NOC3L: variants seen among roughly 807,000 people sequenced by gnomAD.
NOC3L encodes nucleolar complex protein 3 homolog.
A neutral mutation model predicts 102.5 loss-of-function variants in NOC3L; 85 were observed. That is an observed-to-expected ratio of 0.83 (90% CI 0.70 to 0.99). The LOEUF (loss-of-function observed/expected upper bound fraction) is 0.99, where lower values mean the gene tolerates loss of function less well. NOC3L is among the 50% of genes least tolerant of loss of function. NOC3L has a pLI of 0.00. For missense variants in NOC3L, 878 were observed against 914.9 expected (o/e 0.96, Z 0.52); for synonymous variants, 303 against 309.4 (o/e 0.98, Z 0.22).
At chr10:94,316,828 C>T in the NOC3L span, 2 of 1,116,204 alleles carry the variant, frequency 1.8e-6, no homozygotes, top group East Asian at 4.7e-5. Flanking sequence ...CTCACAACCT[C>T]CCTGAAATTC....
At chr10:94,361,309 A>G in intron 2 of NOC3L, 1 of 213,846 alleles carries the variant, frequency 4.7e-6, no homozygotes, top group Non-Finnish European at 9.3e-6. Context: ...GAGACAAGCA[A>G]TGTTCTTACC....
chr10:94,321,985 G>T, the NOC3L span: 1 of 1,614,002 alleles, frequency 6.2e-7, no homozygotes, highest in Non-Finnish European at 8.5e-7. Flanking sequence ...CCAAGTGCAT[G>T]ATGTTTCTCC....
At chr10:94,355,142 C>T in intron 5 of NOC3L, 49 bp from the exon 6 acceptor site, 1 of 1,471,250 alleles carries the variant, frequency 6.8e-7, no homozygotes, top group East Asian at 2.3e-5. Flanking sequence ...TTACAAGTAT[C>T]CAAGAATCTT....
chr10:94,334,365 T>C, intron 20 of NOC3L, 60 bp from the exon 21 acceptor site: 2 of 1,109,204 alleles, frequency 1.8e-6, no homozygotes, highest in South Asian at 2.8e-5. Context: ...AAAGCCAACC[T>C]GTGAACCAAG....
rs1299333360 is a variant in NOC3L at position 94,356,991 on chromosome 10, T to C, written c.508+183A>G. Among the ~76,000 whole-genome samples, 6 of 152,300 alleles carry C rather than the reference T, an allele frequency of 3.9e-5. No homozygotes were observed. The East Asian group carries it at 7.7e-4, about 20-fold the overall frequency. ...CTTGTAGCTTCAGTTGTCCTCACAG[T>C]ACAAATTGGTACCTGAGATAATCTA... On this transcript the variant is annotated intron_variant, in intron 4 of 20. Coordinates refer to ENST00000371361, the MANE Select transcript of NOC3L (RefSeq NM_022451.11).
rs1275590664 is a variant in NOC3L at position 94,341,741 on chromosome 10, C to A, written c.1576G>T (p.Ala526Ser). ...PAVLEGLAKF[A>S]HLINVEFFDD... ...AAAAATTCCACATTTATAAGGTGAGCAAACCTGGAATCAAACAAAACAGTT... is the reference window on the plus strand; with the variant it reads ...AAAAATTCCACATTTATAAGGTGAGAAAACCTGGAATCAAACAAAACAGTT... Residue 526 changes from alanine to serine, a missense_variant, in exon 14 of 21, where the codon GCT (alanine) becomes TCT (serine). Coordinates refer to ENST00000371361, the MANE Select transcript of NOC3L (RefSeq NM_022451.11). 2 of 1,545,726 alleles carry A rather than the reference C, an allele frequency of 1.3e-6. No individual in the cohort carries two copies. The highest frequency in any genetic ancestry group is 2.4e-5 in the East Asian group (1 of 42,372).
At chr10:94,358,962 GCTCA>G (rs1022221118) in intron 2 of NOC3L, among the ~76,000 whole-genome samples, 1 of 151,468 alleles carries the variant, frequency 6.6e-6, no homozygotes, top group Non-Finnish European at 1.5e-5. Flanking sequence ...TTCTCTTTCT[GCTCA>G]CTGTCTGCGT....
At chr10:94,333,006 A>G (rs2054177411), downstream of NOC3L, among the ~76,000 whole-genome samples, 2 of 152,200 alleles carry the variant, frequency 1.3e-5, no homozygotes, top group Admixed American at 1.3e-4. Flanking sequence ...CACTTTTAAA[A>G]ATCATATATA....
chr10:94,352,792 A>C lies in NOC3L; in HGVS notation c.858+104T>G. The C allele has an allele frequency of 4.2e-6, 4 of 952,056 alleles. No individual in the cohort carries two copies. In the South Asian group the frequency reaches 5.9e-5, roughly 14 times the overall value. 59.0% of individuals were successfully genotyped at this position (952,056 alleles called of 1,614,324 possible). A position where few individuals can be genotyped will look rare whatever the true frequency, so the allele number is the denominator to read the frequency against. ...AGCCAAGATCACGCCACTGCACTCTAGTCTGGGCGACAGAGTAAAACTCTG... is the reference window on the plus strand; with the variant it reads ...AGCCAAGATCACGCCACTGCACTCTCGTCTGGGCGACAGAGTAAAACTCTG... On this transcript the variant is annotated intron_variant, in intron 7 of 20. Transcript: ENST00000371361.
chr10:94,316,637 T>C, the NOC3L span: 5 of 1,610,218 alleles, frequency 3.1e-6, no homozygotes, highest in South Asian at 4.4e-5. Context: ...AAAGAATGAA[T>C]GTAGGAAACA....
At chr10:94,324,241 C>A in the NOC3L span, 1 of 837,354 alleles carries the variant, frequency 1.2e-6, no homozygotes, top group Non-Finnish European at 2.1e-6. Context: ...GGAAGATCCC[C>A]TTCATCTCTA....
the NOC3L span, among the ~76,000 whole-genome samples, chr10:94,322,999 A>C: frequency 6.6e-6 from 1 of 152,166 alleles, no homozygotes; most frequent in Non-Finnish European, 1.5e-5. Context: ...TGGAAATATT[A>C]ATTCATTCCT....
At chr10:94,354,832 C>G in intron 6 of NOC3L, 131 bp downstream of exon 6, 1 of 854,938 alleles carries the variant, frequency 1.2e-6, no homozygotes, top group Non-Finnish European at 1.8e-6. Flanking sequence ...CTCTCTTACT[C>G]TAACCCAGCT....
chr10:94,321,492 G>A, the NOC3L span, among the ~76,000 whole-genome samples: 2 of 152,144 alleles, frequency 1.3e-5, no homozygotes, highest in Admixed American at 6.5e-5. Flanking sequence ...ATTAGGCATG[G>A]TGGCACACAT....
chr10:94,337,690 T>C (rs2054237101), intron 19 of NOC3L, 87 bp downstream of exon 19: 1 of 824,528 alleles, frequency 1.2e-6, no homozygotes, highest in Non-Finnish European at 2.0e-6. Context: ...CATTTTGTAG[T>C]ATGTTACTTT....
At chr10:94,342,116 A>T (rs868023052) in intron 13 of NOC3L, among the ~76,000 whole-genome samples, 1 of 152,344 alleles carries the variant, frequency 6.6e-6, no homozygotes, top group Admixed American at 6.5e-5. Flanking sequence ...AGATTCTGCT[A>T]CTTACAAGAA....
chr10:94,357,657 A>T (rs1429401974), intron 3 of NOC3L: 2 of 224,832 alleles, frequency 8.9e-6, no homozygotes, highest in Non-Finnish European at 1.7e-5. Flanking sequence ...CAAAATCTTT[A>T]GAGTATAGCA....
At chr10:94,358,899 C>T (rs1589578677) in intron 2 of NOC3L, among the ~76,000 whole-genome samples, 1 of 152,080 alleles carries the variant, frequency 6.6e-6, no homozygotes, top group African/African-American at 2.4e-5. Flanking sequence ...ATTTTTCTTT[C>T]AACACTTCAG....
intron 6 of NOC3L, among the ~76,000 whole-genome samples, chr10:94,353,823 A>G (rs532134528): frequency 2.6e-5 from 4 of 152,342 alleles, no homozygotes; most frequent in Non-Finnish European, 4.4e-5. Flanking sequence ...TTAACCAAAT[A>G]TATCAGTCAT....
Sources: allele counts gnomAD v4.1 joint callset (sites outside exome capture counted in the v4.1 genomes callset), GRCh38; gene constraint gnomAD v4.1.1; transcripts MANE v1.5; gene names NCBI Gene and HGNC (gene_info 2026-07-23, HGNC 2026-07-21).